Variants in IAH1 observed in about 807,000 individuals in gnomAD.
The protein encoded by IAH1 is isoamyl acetate hydrolyzing esterase 1 (putative).
In IAH1, 24 loss-of-function variants were observed where a neutral mutation model predicts 26.7. That is an observed-to-expected ratio of 0.90 (90% CI 0.65 to 1.26). The LOEUF (loss-of-function observed/expected upper bound fraction) is 1.26, where lower values mean the gene tolerates loss of function less well. Among genes scored for constraint, IAH1 ranks in the 50% most tolerant of loss-of-function variants. The probability of loss-of-function intolerance (pLI) is 0.00; values close to 1 mark genes in which losing one functional copy is unlikely to be tolerated. For synonymous variants in IAH1, 140 were observed against 118.5 expected (o/e 1.18, Z -1.18); for missense variants, 300 against 299.9 (o/e 1.00, Z 0.00).
the IAH1 span, among the ~76,000 whole-genome samples, chr2:9,505,776 ATGT>A: frequency 2.0e-5 from 3 of 152,196 alleles, no homozygotes; most frequent in Non-Finnish European, 4.4e-5. Flanking sequence ...CTGTAGGTTA[ATGT>A]TGTCCCAGAC....
In IAH1 at chr2:9,489,414, A is replaced by G. The variant is rs1002447707; in HGVS notation, c.*1085A>G. On this transcript the variant is annotated 3_prime_UTR_variant, in exon 6 of 6. Coordinates refer to ENST00000497473, the MANE Select transcript of IAH1 (RefSeq NM_001039613.3). ...GAATTTTCTAAGAGCATGTATCCCT[A>G]TCAGTAACAGGGATACATGAAGATA... is the stretch of plus-strand genomic sequence containing the variant. The G allele has an allele frequency of 2.0e-5, 3 of 146,942 alleles. No individual in the cohort carries two copies. In the South Asian group the frequency reaches 6.5e-4, roughly 32 times the overall value. 9.1% of individuals were successfully genotyped at this position (146,942 alleles called of 1,614,324 possible). A position where few individuals can be genotyped will look rare whatever the true frequency, so the allele number is the denominator to read the frequency against.
At chr2:9,494,730 A>C, downstream of IAH1, 1 of 1,614,166 alleles carries the variant, frequency 6.2e-7, no homozygotes, top group Non-Finnish European at 8.5e-7. Flanking sequence ...AGCGGCCAGA[A>C]AGGTCCCTGC....
intron 3 of IAH1, among the ~76,000 whole-genome samples, chr2:9,480,322 G>A (rs993816743): frequency 3.9e-5 from 6 of 152,152 alleles, no homozygotes; most frequent in African/African-American, 1.4e-4. Flanking sequence ...GGGCAACAGA[G>A]TGAGACTCTG....
intron 5 of IAH1, chr2:9,486,377 T>C (rs1661479260): frequency 6.6e-6 from 1 of 152,156 alleles, no homozygotes; most frequent in South Asian, 2.1e-4. Flanking sequence ...CTGCAAACTA[T>C]TGGGCTAGTT....
downstream of IAH1, chr2:9,497,109 C>T: frequency 6.2e-7 from 1 of 1,613,114 alleles, no homozygotes; most frequent in South Asian, 1.1e-5. Context: ...AATAAAACTG[C>T]TCACCATTAC....
downstream of IAH1, chr2:9,493,938 T>G: frequency 1.2e-6 from 1 of 824,334 alleles, no homozygotes; most frequent in Non-Finnish European, 1.9e-6. Flanking sequence ...ATCAAACGTT[T>G]TCCCATCTTT....
rs528491363 is a variant in IAH1 at position 9,480,545 on chromosome 2, A to G, written c.284-741A>G. Among the ~76,000 whole-genome samples the G allele has an allele frequency of 2.6e-5, 4 of 152,372 alleles. No homozygotes were observed. The East Asian group carries it at 7.7e-4, about 29-fold the overall frequency. On this transcript the variant is annotated intron_variant, in intron 3 of 5. Transcript: ENST00000497473. ...AAAATATGAAGTCTTCAGTGTGAAT[A>G]TAATCTTCAGTGCAAACTCATTTTT...
chr2:9,512,252 G>A, the IAH1 span: 3 of 100,652 alleles, frequency 3.0e-5, no homozygotes, highest in African/African-American at 9.4e-5. Context: ...ATTTGCTAAT[G>A]ACTCTTAAAA....
chr2:9,475,488 C>CTT (rs60057180), intron 1 of IAH1, among the ~76,000 whole-genome samples: 4 of 144,158 alleles, frequency 2.8e-5, no homozygotes, highest in Non-Finnish European at 3.1e-5. Context: ...TTCTGTTTAG[C>CTT]TTTTTTTTTT....
chr2:9,504,820 G>A, the IAH1 span, among the ~76,000 whole-genome samples: 1 of 151,382 alleles, frequency 6.6e-6, no homozygotes, highest in Non-Finnish European at 1.5e-5. Context: ...CAAGGAGCAT[G>A]CAAGGTCAAG....
downstream of IAH1, among the ~76,000 whole-genome samples, chr2:9,491,893 A>G (rs981466914): frequency 1.3e-5 from 2 of 152,208 alleles, no homozygotes; most frequent in East Asian, 3.8e-4. Flanking sequence ...TTCCCTGTAA[A>G]CAAAATAGGT....
At chr2:9,475,339 T>C in intron 1 of IAH1, 1 of 558,346 alleles carries the variant, frequency 1.8e-6, no homozygotes, top group Non-Finnish European at 3.0e-6. Context: ...TTTAGGCATA[T>C]GGGGCAGTCA....
At chr2:9,490,508 A>G, downstream of IAH1, 2 of 1,611,032 alleles carry the variant, frequency 1.2e-6, no homozygotes, top group Non-Finnish European at 1.7e-6. Context: ...GCTGCTCAGC[A>G]TTTCGACGTT....
At chr2:9,479,739 C>G (rs941726254) in intron 3 of IAH1, among the ~76,000 whole-genome samples, 8 of 147,456 alleles carry the variant, frequency 5.4e-5, no homozygotes, top group Non-Finnish European at 1.0e-4. Context: ...GAAATTCAAC[C>G]TAAGGAAATA....
At chr2:9,491,259 G>T, downstream of IAH1, 3 of 965,992 alleles carry the variant, frequency 3.1e-6, no homozygotes, top group Non-Finnish European at 4.7e-6. Context: ...TAGAACCTGA[G>T]TTGTAGAAAG....
chr2:9,490,372 G>GTCCATTC, downstream of IAH1: 1 of 1,614,184 alleles, frequency 6.2e-7, no homozygotes, highest in Non-Finnish European at 8.5e-7. Context: ...CCTGGATGGT[G>GTCCATTC]TCCATTCTCT....
At chr2:9,487,792 G>T (rs971793492) in intron 5 of IAH1, among the ~76,000 whole-genome samples, 235 of 58,248 alleles carry the variant, frequency 4.0e-3, no homozygotes, top group African/African-American at 0.013. Context: ...GCCTTTTTGT[G>T]TGTGTGTGTG....
chr2:9,505,232 A>G, the IAH1 span: 1 of 1,614,128 alleles, frequency 6.2e-7, no homozygotes, highest in South Asian at 1.1e-5. Flanking sequence ...CAGATACATG[A>G]TGCCAGGATC....
the IAH1 span, among the ~76,000 whole-genome samples, chr2:9,509,750 A>G: frequency 6.6e-6 from 1 of 151,946 alleles, no homozygotes; most frequent in African/African-American, 2.4e-5. Context: ...CCTAGAGCTC[A>G]AATCTACACC....
Sources: gnomAD v4.1 joint callset for allele counts (sites outside exome capture counted in the v4.1 genomes callset) on GRCh38, gnomAD v4.1.1 for gene constraint, MANE v1.5 for transcripts, NCBI Gene and HGNC (gene_info 2026-07-23, HGNC 2026-07-21) for gene names.